CSMD1: variants seen among roughly 807,000 people sequenced by gnomAD.
CSMD1 encodes the protein CUB and sushi domain-containing protein 1.
A neutral mutation model predicts 417.5 loss-of-function variants in CSMD1; 213 were observed. The ratio of observed to expected loss-of-function variants is 0.51; its 90% confidence interval spans 0.46 to 0.57. The LOEUF is 0.57. CSMD1 is among the 20% of genes least tolerant of loss of function. The pLI is 0.00. For missense variants in CSMD1, 6,923 were observed against 4,529.7 expected, an observed-to-expected ratio of 1.53 and a Z score of -15.17; for synonymous variants, 2,862 against 1,736.8, an observed-to-expected ratio of 1.65 and a Z score of -16.11.
chr8:4,642,442 G>A (rs577345714), intron 1 of CSMD1, among the ~76,000 whole-genome samples: 3 of 152,276 alleles, frequency 2.0e-5, no homozygotes, highest in Non-Finnish European at 2.9e-5. Context: ...TCGTGCTGCT[G>A]TATAGCAGTG....
At chr8:4,711,455 G>T (rs970790569) in intron 1 of CSMD1, among the ~76,000 whole-genome samples, 2 of 151,976 alleles carry the variant, frequency 1.3e-5, no homozygotes, top group East Asian at 3.9e-4. Flanking sequence ...ACAAAGGTGT[G>T]AAAGTACCTT....
At chr8:3,172,276 C>T (rs1820625128) in intron 37 of CSMD1, among the ~76,000 whole-genome samples, 1 of 152,076 alleles carries the variant, frequency 6.6e-6, no homozygotes, top group South Asian at 2.1e-4. Flanking sequence ...CACAAATGTG[C>T]TGGGTTCTTT....
At chr8:4,165,658 C>T (rs1322184255) in intron 3 of CSMD1, among the ~76,000 whole-genome samples, 1 of 152,158 alleles carries the variant, frequency 6.6e-6, no homozygotes, top group East Asian at 1.9e-4. Flanking sequence ...GAACCTTGGC[C>T]TCCCAAAGTG....
intron 1 of CSMD1, among the ~76,000 whole-genome samples, chr8:4,972,304 G>A (rs1810287204): frequency 6.7e-6 from 1 of 150,224 alleles, no homozygotes; most frequent in Admixed American, 6.6e-5. Flanking sequence ...ATCTTGAATT[G>A]TAATCCCCTA....
chr8:3,577,092 C>T (rs568032831), intron 9 of CSMD1, among the ~76,000 whole-genome samples: 1 of 152,172 alleles, frequency 6.6e-6, no homozygotes, highest in Non-Finnish European at 1.5e-5. Flanking sequence ...GTGGGCTCAG[C>T]CTGTCATTGG....
intron 68 of CSMD1, among the ~76,000 whole-genome samples, 197 bp downstream of exon 68, chr8:2,949,102 T>C (rs1163910905): frequency 6.6e-6 from 1 of 152,054 alleles, no homozygotes; most frequent in East Asian, 1.9e-4. Flanking sequence ...GCACATTTAT[T>C]GCATTATTTC....
rs1271543231 is a variant in CSMD1 at position 4,741,666 on chromosome 8, G to T, written c.86-104108C>A. ...GAGTTTACTTAGGAATTTAAGATCC[G>T]TTCAGTAAATCACATCTTTTCCATT... is the stretch of plus-strand genomic sequence containing the variant. On this transcript the variant is annotated intron_variant, in intron 1 of 69. Coordinates refer to ENST00000635120, the MANE Select transcript of CSMD1 (RefSeq NM_033225.6). Among the ~76,000 whole-genome samples, 8 of 152,248 alleles carry T rather than the reference G, an allele frequency of 5.3e-5. No homozygotes were observed. The South Asian group carries it at 1.5e-3, about 28-fold the overall frequency.
At chr8:4,793,473 C>T (rs2117244691) in intron 1 of CSMD1, among the ~76,000 whole-genome samples, 1 of 152,190 alleles carries the variant, frequency 6.6e-6, no homozygotes, top group African/African-American at 2.4e-5. Context: ...CTCTCTCCTC[C>T]CCACCATCTC....
chr8:4,454,810 T>G (rs1438585342), intron 2 of CSMD1, among the ~76,000 whole-genome samples: 2 of 152,216 alleles, frequency 1.3e-5, no homozygotes, highest in Non-Finnish European at 1.5e-5. Flanking sequence ...AAGTGAAAAT[T>G]ATCTCAACCA....
intron 5 of CSMD1, among the ~76,000 whole-genome samples, chr8:3,994,978 T>C (rs886077240): frequency 6.6e-6 from 1 of 152,112 alleles, no homozygotes; most frequent in Non-Finnish European, 1.5e-5. Flanking sequence ...CCTGGCTCTG[T>C]GGAATGACCC....
chr8:3,886,704 G>T (rs1039940458), intron 5 of CSMD1, among the ~76,000 whole-genome samples: 15 of 152,148 alleles, frequency 9.9e-5, no homozygotes, highest in African/African-American at 3.4e-4. Flanking sequence ...GACACTTATG[G>T]AAGTCTTAAT....
At chr8:4,023,057 C>A (rs968177518) in intron 4 of CSMD1, among the ~76,000 whole-genome samples, 6 of 152,192 alleles carry the variant, frequency 3.9e-5, no homozygotes, top group African/African-American at 7.2e-5. Flanking sequence ...CATTTCCTGG[C>A]TCTCTTTGCA....
chr8:4,311,151 G>T (rs1361024085), intron 3 of CSMD1, among the ~76,000 whole-genome samples: 1 of 152,154 alleles, frequency 6.6e-6, no homozygotes, highest in South Asian at 2.1e-4. Flanking sequence ...GTGACTGGCT[G>T]TAAGCCCAGT....
In CSMD1 at chr8:4,967,188, C is replaced by T. The variant is rs73659420; in HGVS notation, c.85+27144G>A. Among the ~76,000 whole-genome samples, 685 of 152,234 alleles carry T rather than the reference C, an allele frequency of 4.5e-3. 6 individuals carry two copies. Among genetic ancestry groups the T allele is most frequent in the African/African-American group, 0.015 (624 of 41,530 alleles). On this transcript the variant is annotated intron_variant, in intron 1 of 69. Coordinates refer to ENST00000635120, the MANE Select transcript of CSMD1 (RefSeq NM_033225.6). ...TAATTTTAAACACTATGAGCTGTTACTTCTCATTTGTTTGCAAAGAAGAGC... is the reference window on the plus strand; with the variant it reads ...TAATTTTAAACACTATGAGCTGTTATTTCTCATTTGTTTGCAAAGAAGAGC...
chr8:4,105,788 T>C (rs553236371), intron 3 of CSMD1, among the ~76,000 whole-genome samples: 8 of 152,288 alleles, frequency 5.3e-5, no homozygotes, highest in South Asian at 2.1e-4. Context: ...CTCTACAGCG[T>C]TGAAAAGTGT....
chr8:3,912,581 G>A (rs1360359514), intron 5 of CSMD1, among the ~76,000 whole-genome samples: 1 of 152,182 alleles, frequency 6.6e-6, no homozygotes, highest in African/African-American at 2.4e-5. Context: ...GATGAAAGTT[G>A]AAGCATGATA....
At chr8:4,194,746 A>C (rs1799231902) in intron 3 of CSMD1, among the ~76,000 whole-genome samples, 1 of 151,730 alleles carries the variant, frequency 6.6e-6, no homozygotes, top group South Asian at 2.1e-4. Context: ...CATTATTTAA[A>C]TAAACATTTT....
intron 7 of CSMD1, among the ~76,000 whole-genome samples, chr8:3,704,293 T>A (rs1376060179): frequency 4.6e-5 from 7 of 152,066 alleles, no homozygotes; most frequent in Non-Finnish European, 1.0e-4. Context: ...ACAGAAGCCT[T>A]CTGTTCTTTG....
At chr8:3,924,840 T>C (rs1342652463) in intron 5 of CSMD1, among the ~76,000 whole-genome samples, 1 of 152,198 alleles carries the variant, frequency 6.6e-6, no homozygotes, top group Non-Finnish European at 1.5e-5. Context: ...TTAATTTTTT[T>C]GTCAGGCGGT....
Sources: gnomAD v4.1 joint callset for allele counts (sites outside exome capture counted in the v4.1 genomes callset) on GRCh38, gnomAD v4.1.1 for gene constraint, MANE v1.5 for transcripts, NCBI Gene and HGNC (gene_info 2026-07-23, HGNC 2026-07-21) for gene names.